The following NAT10 variants were observed in gnomAD, a reference collection of about 807,000 sequenced individuals.
NAT10 encodes N-acetyltransferase 10.
A neutral mutation model predicts 132.2 loss-of-function variants in NAT10; 109 were observed. The observed-to-expected ratio is 0.82, with a 90% CI of 0.71 to 0.97. NAT10 has a LOEUF of 0.97. Among genes scored for constraint, NAT10 ranks in the 50% least tolerant of loss-of-function variants. NAT10 has a pLI of 0.00. For missense variants in NAT10, 1,184 were observed against 1,263.4 expected, an observed-to-expected ratio of 0.94 and a Z score of 0.95; for synonymous variants, 479 against 478.0, an observed-to-expected ratio of 1.00 and a Z score of -0.03.
chr11:34,137,375 G>A (rs79800538), intron 21 of NAT10, among the ~76,000 whole-genome samples: 2,182 of 152,234 alleles, frequency 0.014, 36 homozygotes, highest in African/African-American at 0.05. Flanking sequence ...AGGTGCTGTC[G>A]GAGATGGGAC....
intron 6 of NAT10, among the ~76,000 whole-genome samples, chr11:34,116,660 T>C (rs1851788837): frequency 6.6e-6 from 1 of 152,118 alleles, no homozygotes; most frequent in South Asian, 2.1e-4. Context: ...AGAGACACGA[T>C]CTTGGCTCAC....
Position 34,146,072 on chromosome 11 carries a change from A to G in NAT10, c.2970-12A>G, listed in dbSNP as rs940791354. 3.2e-6 allele frequency: 5 copies of G among 1,562,104 alleles called. No individual in the cohort carries two copies. The highest frequency in any genetic ancestry group is 4.4e-6 in the Non-Finnish European group (5 of 1,144,912). ...ACATATTTCATTCTTTCTATTTTTGATTTTTCTCTAGTGACAAGAAAAGGA... is the reference window on the plus strand; with the variant it reads ...ACATATTTCATTCTTTCTATTTTTGGTTTTTCTCTAGTGACAAGAAAAGGA... On this transcript the variant is annotated splice_polypyrimidine_tract_variant and intron_variant, in intron 28 of 28. Coordinates refer to ENST00000257829, the MANE Select transcript of NAT10 (RefSeq NM_024662.3).
chr11:34,121,751 T>C (rs1851897380), intron 8 of NAT10, among the ~76,000 whole-genome samples: 1 of 149,528 alleles, frequency 6.7e-6, no homozygotes, highest in South Asian at 2.1e-4. Context: ...TCCTAGCTAC[T>C]TGGGAGGCTG....
chr11:34,120,489 G>A (rs1273968444), intron 8 of NAT10, among the ~76,000 whole-genome samples: 2 of 152,192 alleles, frequency 1.3e-5, no homozygotes, highest in Non-Finnish European at 2.9e-5. Context: ...AGGCAAGCAT[G>A]ACAACTTCTC....
chr11:34,117,585 G>A (rs781775574), intron 6 of NAT10, among the ~76,000 whole-genome samples: 1 of 152,192 alleles, frequency 6.6e-6, no homozygotes, highest in Non-Finnish European at 1.5e-5. Context: ...AGATCAGGAG[G>A]AGCAGCTGTG....
intron 12 of NAT10, among the ~76,000 whole-genome samples, chr11:34,127,835 C>T (rs572974338): frequency 6.6e-6 from 1 of 152,150 alleles, no homozygotes; most frequent in Non-Finnish European, 1.5e-5. Context: ...GAATTTTAGT[C>T]TGATGTGCTG....
chr11:34,127,556 C>T lies in NAT10; in HGVS notation c.1201C>T (p.Leu401=). ...CATCCCCCTCCCCTTGGTGAAGAGCCTACTTGGCCCCTACCTTGTTTTCAT... is the reference window on the plus strand; with the variant it reads ...CATCCCCCTCCCCTTGGTGAAGAGCTTACTTGGCCCCTACCTTGTTTTCAT... ...AAIPLPLVKS[L]LGPYLVFMAS... is the part of the protein sequence containing the mutation. Residue 401 remains leucine, a synonymous_variant, in exon 12 of 29, where the codon CTA becomes TTA. Transcript: ENST00000257829. 6.2e-7 allele frequency: 1 copy of T among 1,613,996 alleles called. No individual in the cohort carries two copies. The highest frequency in any genetic ancestry group is 8.5e-7 in the Non-Finnish European group (1 of 1,179,854).
intron 16 of NAT10, among the ~76,000 whole-genome samples, chr11:34,134,079 G>A (rs573010670): frequency 8.5e-5 from 13 of 152,164 alleles, no homozygotes; most frequent in African/African-American, 3.1e-4. Flanking sequence ...CAGGAAAATG[G>A]CATGAACCCA....
At chr11:34,116,151 T>G (rs1490628629) in intron 6 of NAT10, among the ~76,000 whole-genome samples, 1 of 152,214 alleles carries the variant, frequency 6.6e-6, no homozygotes, top group African/African-American at 2.4e-5. Context: ...GTTCTTAGCT[T>G]ACTCATCTTT....
chr11:34,117,100 T>C (rs2134159470), intron 6 of NAT10, among the ~76,000 whole-genome samples: 1 of 152,294 alleles, frequency 6.6e-6, no homozygotes, highest in South Asian at 2.1e-4. Flanking sequence ...GAAACACCTA[T>C]ACCGTTTTTT....
At chr11:34,136,027 C>G (rs551547745) in intron 19 of NAT10, among the ~76,000 whole-genome samples, 4 of 151,874 alleles carry the variant, frequency 2.6e-5, no homozygotes, top group Admixed American at 6.5e-5. Flanking sequence ...GGTGATAGAA[C>G]CTGGACTTCA....
In NAT10 at chr11:34,130,891, C is replaced by G; in HGVS notation, c.1323C>G (p.Ser441Arg). 1 of 1,614,210 alleles carries G rather than the reference C, an allele frequency of 6.2e-7. No individual in the cohort carries two copies. The highest frequency in any genetic ancestry group is 1.1e-5 in the South Asian group (1 of 91,086). ...LRQQSAQSQVSTTAENKTTTT... is the reference protein window; with the variant it reads ...LRQQSAQSQVRTTAENKTTTT... ...AACAGAGCGCCCAGAGCCAGGTCAG[C>G]ACCACTGCTGAGAATAAGACCACGA... The change falls in exon 13 of 29, where the codon AGC becomes AGG. Residue 441 changes from serine (S) to arginine (R), a missense_variant. Coordinates refer to ENST00000257829, the MANE Select transcript of NAT10 (RefSeq NM_024662.3).
intron 4 of NAT10, 23 bp downstream of exon 4, chr11:34,112,246 TGATTGAAGTC>T (rs1401368623): frequency 3.1e-6 from 5 of 1,613,856 alleles, no homozygotes; most frequent in Non-Finnish European, 4.2e-6. Context: ...CTCTAACCTG[TGATTGAAGTC>T]AGAGTCTTGA....
intron 11 of NAT10, among the ~76,000 whole-genome samples, chr11:34,126,027 A>C (rs958131983): frequency 6.6e-6 from 1 of 152,220 alleles, no homozygotes; most frequent in Non-Finnish European, 1.5e-5. Context: ...TCCCTGGCCC[A>C]TCAGCTTGTA....
At chr11:34,140,656 A>G (rs1392450813) in intron 24 of NAT10, 84 bp downstream of exon 24, 1 of 1,450,094 alleles carries the variant, frequency 6.9e-7, no homozygotes, top group Non-Finnish European at 9.4e-7. Context: ...GCACTTGGAC[A>G]TAATTGTGTG....
intron 27 of NAT10, among the ~76,000 whole-genome samples, chr11:34,142,588 G>A (rs1440180671): frequency 6.6e-6 from 1 of 152,192 alleles, no homozygotes; most frequent in African/African-American, 2.4e-5. Flanking sequence ...TGATCCCCAA[G>A]GCTCCAGGTC....
intron 19 of NAT10, 96 bp from the exon 20 acceptor site, chr11:34,136,546 G>A: frequency 1.4e-6 from 2 of 1,453,732 alleles, no homozygotes; most frequent in South Asian, 2.5e-5. Context: ...CCCAGTTTTT[G>A]TTGTGCTAAG....
intron 12 of NAT10, among the ~76,000 whole-genome samples, chr11:34,129,530 C>G (rs1284035100): frequency 6.6e-6 from 1 of 150,622 alleles, no homozygotes; most frequent in African/African-American, 2.4e-5. Flanking sequence ...GATACCAGGT[C>G]CCTTTTCAGA....
At chr11:34,113,199 G>T (rs1041139621) in intron 4 of NAT10, among the ~76,000 whole-genome samples, 3 of 152,170 alleles carry the variant, frequency 2.0e-5, no homozygotes, top group African/African-American at 7.2e-5. Flanking sequence ...TTGTCAAACA[G>T]GTTTGAGCTA....
Sources: gnomAD v4.1 joint callset for allele counts (sites outside exome capture counted in the v4.1 genomes callset) on GRCh38, gnomAD v4.1.1 for gene constraint, MANE v1.5 for transcripts, NCBI Gene and HGNC (gene_info 2026-07-23, HGNC 2026-07-21) for gene names.